Variants in CDH12 observed in about 807,000 individuals in gnomAD.
CDH12 encodes the protein cadherin-12.
Under a neutral mutation model 74.1 loss-of-function variants are expected in CDH12, and 41 were observed. That is an observed-to-expected ratio of 0.55 (90% CI 0.43 to 0.72). The LOEUF is 0.72. Among genes scored for constraint, CDH12 ranks in the 30% least tolerant of loss-of-function variants. CDH12 has a pLI of 0.00. For synonymous variants in CDH12, 399 were observed against 355.0 expected, an observed-to-expected ratio of 1.12 and a Z score of -1.39; for missense variants, 945 against 977.2, an observed-to-expected ratio of 0.97 and a Z score of 0.44.
intron 1 of CDH12, among the ~76,000 whole-genome samples, chr5:22,697,652 A>T (rs1742450080): frequency 6.6e-6 from 1 of 152,018 alleles, no homozygotes; most frequent in Non-Finnish European, 1.5e-5. Context: ...ATCCACTCTG[A>T]AGTATTTTCC....
At chr5:21,958,971 C>G (rs1756222756) in intron 6 of CDH12, among the ~76,000 whole-genome samples, 2 of 152,066 alleles carry the variant, frequency 1.3e-5, no homozygotes, top group Non-Finnish European at 2.9e-5. Context: ...TTTCTTTGTG[C>G]AGTGTTTTGT....
intron 6 of CDH12, among the ~76,000 whole-genome samples, chr5:21,969,109 A>G (rs1485938934): frequency 3.3e-5 from 5 of 151,960 alleles, no homozygotes; most frequent in African/African-American, 1.2e-4. Context: ...AAACCTGCAC[A>G]TCCTGCACAG....
At chr5:21,844,163 A>G (rs1389540595) in intron 7 of CDH12, among the ~76,000 whole-genome samples, 1 of 152,174 alleles carries the variant, frequency 6.6e-6, no homozygotes, top group Non-Finnish European at 1.5e-5. Flanking sequence ...ATTAAGATGC[A>G]AAGATCGTCT....
intron 2 of CDH12, among the ~76,000 whole-genome samples, chr5:22,438,412 G>C (rs1744493394): frequency 6.6e-6 from 1 of 152,008 alleles, no homozygotes; most frequent in African/African-American, 2.4e-5. Context: ...AGATATTGAA[G>C]CTCACAGAAG....
At chr5:22,076,584 T>C (rs1742328749) in intron 5 of CDH12, among the ~76,000 whole-genome samples, 1 of 152,150 alleles carries the variant, frequency 6.6e-6, no homozygotes, top group Non-Finnish European at 1.5e-5. Flanking sequence ...CCATTTGTCT[T>C]GGATTTCAAA....
At chr5:22,707,883 C>G (rs1460000522) in intron 1 of CDH12, among the ~76,000 whole-genome samples, 13 of 152,054 alleles carry the variant, frequency 8.5e-5, no homozygotes, top group Non-Finnish European at 1.5e-4. Context: ...AGGCACTAAA[C>G]TAGCCTCCAA....
chr5:22,525,026 T>C (rs963817998), intron 1 of CDH12, among the ~76,000 whole-genome samples: 9 of 148,992 alleles, frequency 6.0e-5, no homozygotes, highest in Non-Finnish European at 3.0e-5. Context: ...GTTCTCATTA[T>C]TCAATTCCCA....
intron 10 of CDH12, among the ~76,000 whole-genome samples, chr5:21,801,573 A>G (rs964982474): frequency 6.6e-6 from 1 of 152,294 alleles, no homozygotes; most frequent in Admixed American, 6.5e-5. Context: ...TGGGAGAGAG[A>G]TGAGCAGGAA....
At chr5:22,133,744 T>C (rs1746303976) in intron 4 of CDH12, among the ~76,000 whole-genome samples, 1 of 152,122 alleles carries the variant, frequency 6.6e-6, no homozygotes, top group Non-Finnish European at 1.5e-5. Context: ...TATACATAAT[T>C]ACGTGTACAT....
intron 1 of CDH12, among the ~76,000 whole-genome samples, chr5:22,601,076 T>C (rs1339198711): frequency 1.3e-5 from 2 of 152,144 alleles, no homozygotes; most frequent in African/African-American, 4.8e-5. Flanking sequence ...GCAGATATTG[T>C]TAAGTGATAT....
intron 2 of CDH12, among the ~76,000 whole-genome samples, chr5:22,454,391 G>C (rs569383988): frequency 1.3e-5 from 2 of 152,282 alleles, no homozygotes; most frequent in East Asian, 3.9e-4. Context: ...AGAAGAAACA[G>C]TCTGTGGGAA....
At chr5:22,630,372 A>G (rs1199075385) in intron 1 of CDH12, among the ~76,000 whole-genome samples, 1 of 152,076 alleles carries the variant, frequency 6.6e-6, no homozygotes, top group African/African-American at 2.4e-5. Flanking sequence ...AACTGGAGGT[A>G]CCACATTATC....
At chr5:22,282,881 A>T (rs1736950404) in intron 3 of CDH12, among the ~76,000 whole-genome samples, 1 of 152,102 alleles carries the variant, frequency 6.6e-6, no homozygotes, top group African/African-American at 2.4e-5. Flanking sequence ...CAGCAATCCC[A>T]TTACTGAGTG....
rs182239940 is a variant in CDH12, at chr5:22,711,613, G to T, written c.-523+141445C>A. Among the ~76,000 whole-genome samples, 3 of 152,126 alleles carry T rather than the reference G, an allele frequency of 2.0e-5. No individual in the cohort carries two copies. In the East Asian group the frequency reaches 5.8e-4, roughly 29 times the overall value. On this transcript the variant is annotated intron_variant, in intron 1 of 14. Coordinates refer to ENST00000382254, the MANE Select transcript of CDH12 (RefSeq NM_004061.5). Reference sequence around the variant, plus strand: ...AATATGGCACTATGTTTAGAGTTAAGAATTCCCAGTAAATAATTCTGTACC... The same window carrying T: ...AATATGGCACTATGTTTAGAGTTAATAATTCCCAGTAAATAATTCTGTACC...
intron 1 of CDH12, among the ~76,000 whole-genome samples, chr5:22,559,437 T>G (rs1738946268): frequency 6.6e-6 from 1 of 152,134 alleles, no homozygotes; most frequent in Admixed American, 6.6e-5. Context: ...CATTGTATTT[T>G]ACTTCATGAA....
intron 13 of CDH12, among the ~76,000 whole-genome samples, chr5:21,758,907 A>G (rs976900297): frequency 1.3e-5 from 2 of 152,272 alleles, no homozygotes; most frequent in Non-Finnish European, 2.9e-5. Flanking sequence ...TATAAAAGGG[A>G]GCTAAACTTT....
intron 1 of CDH12, among the ~76,000 whole-genome samples, chr5:22,650,618 T>C (rs2126883168): frequency 6.6e-6 from 1 of 152,118 alleles, no homozygotes. Flanking sequence ...CTGCTCATTA[T>C]GCACTGCACT....
intron 1 of CDH12, among the ~76,000 whole-genome samples, chr5:22,755,367 C>T (rs1193966473): frequency 1.3e-5 from 2 of 152,054 alleles, no homozygotes; most frequent in East Asian, 3.9e-4. Flanking sequence ...GTCACATGAA[C>T]TTGTCAGTGG....
chr5:21,757,736 A>G (rs1372220180), intron 13 of CDH12, among the ~76,000 whole-genome samples: 1 of 152,032 alleles, frequency 6.6e-6, no homozygotes, highest in African/African-American at 2.4e-5. Context: ...TTCAGCAAAG[A>G]TACGTTGTGG....
Sources: gnomAD v4.1 joint callset for allele counts (sites outside exome capture counted in the v4.1 genomes callset) on GRCh38, gnomAD v4.1.1 for gene constraint, MANE v1.5 for transcripts, NCBI Gene and HGNC (gene_info 2026-07-23, HGNC 2026-07-21) for gene names.